The following SLC66A3 variants were observed in gnomAD, a reference collection of about 807,000 sequenced individuals.
The protein encoded by SLC66A3 is solute carrier family 66 member 3.
SLC66A3 carries 23 observed loss-of-function variants against 25.5 expected under a neutral mutation model. The ratio of observed to expected loss-of-function variants is 0.90; its 90% CI spans 0.65 to 1.28. SLC66A3 has a LOEUF of 1.28. Among genes scored for constraint, SLC66A3 ranks in the 50% most tolerant of loss-of-function variants. The pLI, the probability that SLC66A3 is intolerant of heterozygous loss-of-function variation, is 0.00. For missense variants in SLC66A3, 246 were observed against 262.1 expected (o/e 0.94, Z 0.42); for synonymous variants, 108 against 112.6 (o/e 0.96, Z 0.26).
At chr2:11,167,906 TC>T (rs2147994986) in intron 4 of SLC66A3, among the ~76,000 whole-genome samples, 1 of 152,270 alleles carries the variant, frequency 6.6e-6, no homozygotes, top group East Asian at 1.9e-4. Flanking sequence ...CCCCCAGAGG[TC>T]CTAAACTGTG....
chr2:11,160,885 C>T (rs1008377159), intron 3 of SLC66A3, 191 bp downstream of exon 3: 9 of 924,134 alleles, frequency 9.7e-6, no homozygotes, highest in Non-Finnish European at 1.4e-5. Flanking sequence ...GCTGCTCCTC[C>T]GAGACCAGCA....
chr2:11,164,339 A>ATTT (rs1662232050), intron 4 of SLC66A3, 78 bp downstream of exon 4: 1 of 120,308 alleles, frequency 8.3e-6, no homozygotes, highest in African/African-American at 5.1e-5. Flanking sequence ...ATATATATAT[A>ATTT]TATATATTTT....
chr2:11,177,855 G>C lies in SLC66A3; in HGVS notation c.*27G>C. ...GGATACATTATTCCTTCACACAGTG[G>C]ATTTTGAGTAACTGAACCAAAGGAA... On this transcript the variant is annotated 3_prime_UTR_variant, in exon 7 of 7. Transcript: ENST00000295083. The C allele has an allele frequency of 7.4e-7, 1 of 1,345,064 alleles. No homozygotes were observed. The highest frequency in any genetic ancestry group is 1.1e-6 in the Non-Finnish European group (1 of 952,284). The allele number at this position is 1,345,064 out of a possible 1,614,324, so 83.3% of individuals were successfully genotyped here.
chr2:11,160,830 G>T, intron 3 of SLC66A3, 136 bp downstream of exon 3: 2 of 1,323,568 alleles, frequency 1.5e-6, no homozygotes, highest in Admixed American at 2.4e-5. Context: ...AATCCCAAAT[G>T]CAAACGTGTC....
chr2:11,176,525 CTTTTTTTTTT>C (rs775778444), intron 6 of SLC66A3, among the ~76,000 whole-genome samples: 1 of 87,306 alleles, frequency 1.1e-5, no homozygotes, highest in African/African-American at 4.2e-5. Context: ...CTGGGAATAA[CTTTTTTTTTT>C]TTTTTTTTTT....
chr2:11,169,835 CTCTTTTTTTTT>C (rs902377980), intron 4 of SLC66A3, among the ~76,000 whole-genome samples: 18 of 85,142 alleles, frequency 2.1e-4, no homozygotes, highest in Middle Eastern at 7.8e-3. Flanking sequence ...CTGGATTTCT[CTCTTTTTTTTT>C]TTTTTTTTTT....
intron 3 of SLC66A3, chr2:11,160,954 T>TA: frequency 1.7e-6 from 1 of 582,654 alleles, no homozygotes; most frequent in Admixed American, 3.0e-5. Flanking sequence ...CCACCCCTGC[T>TA]AAGAGCAGCA....
Position 11,177,941 on chromosome 2 carries a change from TA to T in SLC66A3, c.*116del. ...ATTTAGTAAATCAGTTTATAATCTT[TA>T]AAGCCAAAGGTTTTTTTAGACTTGA... On this transcript the variant is annotated 3_prime_UTR_variant, in exon 7 of 7. Coordinates refer to ENST00000295083, the MANE Select transcript of SLC66A3 (RefSeq NM_152391.5). The T allele has an allele frequency of 1.5e-6, 1 of 684,442 alleles. No individual in the cohort carries two copies. Among genetic ancestry groups the T allele is most frequent in the Non-Finnish European group, 2.4e-6 (1 of 411,544 alleles). 42.4% of individuals were successfully genotyped at this position (684,442 alleles called of 1,614,324 possible). A position where few individuals can be genotyped will look rare whatever the true frequency, so the allele number is the denominator to read the frequency against.
intron 1 of SLC66A3, among the ~76,000 whole-genome samples, chr2:11,156,116 AC>A (rs1340377881): frequency 6.6e-6 from 1 of 152,186 alleles, no homozygotes; most frequent in East Asian, 1.9e-4. Context: ...AAGGGGTTGA[AC>A]TAAGAATGTA....
intron 5 of SLC66A3, among the ~76,000 whole-genome samples, chr2:11,173,665 A>C (rs998964965): frequency 1.3e-5 from 2 of 152,234 alleles, no homozygotes; most frequent in Non-Finnish European, 2.9e-5. Context: ...TGCTAAATGC[A>C]GAATGTGTTA....
intron 1 of SLC66A3, among the ~76,000 whole-genome samples, chr2:11,157,369 C>G (rs1661944475): frequency 6.6e-6 from 1 of 152,242 alleles, no homozygotes; most frequent in Admixed American, 6.5e-5. Flanking sequence ...GGCTGGTGCA[C>G]CAGCTCTGCA....
At chr2:11,164,809 C>T (rs1449336191) in intron 4 of SLC66A3, among the ~76,000 whole-genome samples, 3 of 152,098 alleles carry the variant, frequency 2.0e-5, no homozygotes, top group African/African-American at 4.8e-5. Context: ...ATCCATTTAA[C>T]CCTGAGTGGA....
intron 6 of SLC66A3, among the ~76,000 whole-genome samples, chr2:11,177,035 C>T (rs1207641485): frequency 2.0e-5 from 3 of 152,106 alleles, no homozygotes; most frequent in Non-Finnish European, 4.4e-5. Context: ...ATAAAATATG[C>T]CTTGTCCTGT....
intron 4 of SLC66A3, among the ~76,000 whole-genome samples, chr2:11,167,415 C>G (rs1218025496): frequency 6.6e-6 from 1 of 152,202 alleles, no homozygotes; most frequent in Admixed American, 6.5e-5. Flanking sequence ...TGCACTCCAG[C>G]CTGGGCAACA....
intron 3 of SLC66A3, 141 bp downstream of exon 3, chr2:11,160,835 C>T (rs558985030): frequency 2.4e-5 from 32 of 1,339,006 alleles, no homozygotes; most frequent in Middle Eastern, 2.0e-4. Flanking sequence ...CAAATGCAAA[C>T]GTGTCCATGT....
intron 1 of SLC66A3, among the ~76,000 whole-genome samples, chr2:11,158,953 C>T (rs1412757098): frequency 1.3e-5 from 2 of 152,206 alleles, no homozygotes; most frequent in Non-Finnish European, 2.9e-5. Context: ...GCAGCAACGG[C>T]TGCATCCAGA....
Position 11,156,131 on chromosome 2 carries a change from A to C in SLC66A3, c.143+442A>C, listed in dbSNP as rs79213088. The stretch of plus-strand genomic sequence containing the variant: ...AAGGGGTTGAACTAAGAATGTATGA[A>C]TCTCTTCTCTTCTCCCGGTGATTGG... On this transcript the variant is annotated intron_variant, in intron 1 of 6. Coordinates refer to ENST00000295083, the MANE Select transcript of SLC66A3 (RefSeq NM_152391.5). Among the ~76,000 whole-genome samples, 775 of 152,234 alleles carry C rather than the reference A, an allele frequency of 5.1e-3. 3 individuals are homozygous for C. Among genetic ancestry groups the C allele is most frequent in the African/African-American group, 0.018 (750 of 41,510 alleles).
chr2:11,159,174 C>A (rs1662023010), intron 1 of SLC66A3, among the ~76,000 whole-genome samples: 1 of 152,220 alleles, frequency 6.6e-6, no homozygotes, highest in Admixed American at 6.5e-5. Flanking sequence ...GGTGAAGACC[C>A]CCATAGCTTT....
chr2:11,159,053 C>A (rs930383484), intron 1 of SLC66A3, among the ~76,000 whole-genome samples: 1 of 152,228 alleles, frequency 6.6e-6, no homozygotes, highest in South Asian at 2.1e-4. Flanking sequence ...GTTGTGGAGG[C>A]CAGCATGGAT....
Sources: gnomAD v4.1 joint callset for allele counts (sites outside exome capture counted in the v4.1 genomes callset) on GRCh38, gnomAD v4.1.1 for gene constraint, MANE v1.5 for transcripts, NCBI Gene and HGNC (gene_info 2026-07-23, HGNC 2026-07-21) for gene names.